Variants in CYLC2 observed in about 807,000 individuals in gnomAD.
The protein encoded by CYLC2 is cylicin-2.
In CYLC2, 30 loss-of-function variants were observed where a neutral mutation model predicts 26.1. That is an observed-to-expected ratio of 1.15 (90% CI 0.86 to 1.56). The LOEUF (loss-of-function observed/expected upper bound fraction) is 1.56, where lower values mean the gene tolerates loss of function less well. CYLC2 is among the 40% of genes most tolerant of loss of function. The pLI, the probability that CYLC2 is intolerant of heterozygous loss-of-function variation, is 0.00. For missense variants in CYLC2, 498 were observed against 394.4 expected (o/e 1.26, Z -2.23); for synonymous variants, 158 against 132.8 (o/e 1.19, Z -1.31).
chr9:103,015,088 AC>A (rs1261599613), intron 6 of CYLC2, among the ~76,000 whole-genome samples: 48 of 106,852 alleles, frequency 4.5e-4, no homozygotes, highest in African/African-American at 1.2e-3. Flanking sequence ...AATATACATA[AC>A]ATGTATATCA....
chr9:103,015,961 A>G (rs1232199353), intron 6 of CYLC2, among the ~76,000 whole-genome samples: 2 of 150,146 alleles, frequency 1.3e-5, no homozygotes, highest in Non-Finnish European at 3.0e-5. Context: ...TTGTATATAT[A>G]TAATATGTAA....
At position 103,005,829 on chromosome 9, in the gene CYLC2, A is replaced by C; in HGVS notation, c.*151A>C. 1.2e-6 allele frequency: 1 copy of C among 807,688 alleles called. No individual in the cohort carries two copies. The highest frequency in any genetic ancestry group is 1.9e-6 in the Non-Finnish European group (1 of 516,034). The allele number at this position is 807,688 out of a possible 1,614,324, so 50.0% of individuals were successfully genotyped here. A position where few individuals can be genotyped will look rare whatever the true frequency, so the allele number is the denominator to read the frequency against. ...GTGGTAAAGAAGGATACAAAGGAGA[A>C]CTCAGCAGAGATTTATAAAAATATA... is the stretch of plus-strand genomic sequence containing the variant. On this transcript the variant is annotated 3_prime_UTR_variant, in exon 5 of 8. Coordinates refer to ENST00000374798, the MANE Select transcript of CYLC2 (RefSeq NM_001340.5).
intron 1 of CYLC2, among the ~76,000 whole-genome samples, chr9:102,997,481 T>C (rs1212519069): frequency 6.6e-6 from 1 of 151,950 alleles, no homozygotes; most frequent in Non-Finnish European, 1.5e-5. Context: ...ACAGTAATCC[T>C]GGGGCAGTTG....
At chr9:103,001,358 G>T (rs1164309199) in intron 1 of CYLC2, among the ~76,000 whole-genome samples, 2 of 151,462 alleles carry the variant, frequency 1.3e-5, no homozygotes, top group African/African-American at 4.8e-5. Flanking sequence ...TGTATATATA[G>T]TTTGTTTGAT....
intron 6 of CYLC2, 56 bp from the exon 7 acceptor site, chr9:103,016,832 T>A (rs184268539): frequency 6.6e-6 from 1 of 152,084 alleles, no homozygotes; most frequent in Non-Finnish European, 1.5e-5. Flanking sequence ...TATGGAAGTT[T>A]ACATTAGAAA....
At chr9:103,001,253 G>A (rs1444375086) in intron 1 of CYLC2, among the ~76,000 whole-genome samples, 1 of 146,274 alleles carries the variant, frequency 6.8e-6, no homozygotes, top group Non-Finnish European at 1.5e-5. Flanking sequence ...TTTTTTAAAT[G>A]TATATTTTCA....
chr9:103,014,028 C>T (rs1438693717), intron 6 of CYLC2, among the ~76,000 whole-genome samples: 4 of 105,630 alleles, frequency 3.8e-5, no homozygotes, highest in African/African-American at 7.5e-5. Context: ...ATATATTATT[C>T]ATATTATATA....
intron 1 of CYLC2, among the ~76,000 whole-genome samples, chr9:102,996,317 C>A (rs983023991): frequency 6.6e-6 from 1 of 151,858 alleles, no homozygotes; most frequent in Non-Finnish European, 1.5e-5. Flanking sequence ...CAGAATTACA[C>A]TGTATTTTAA....
chr9:103,014,876 CTATGT>C (rs1829478113), intron 6 of CYLC2, among the ~76,000 whole-genome samples: 10 of 126,012 alleles, frequency 7.9e-5, no homozygotes, highest in African/African-American at 2.5e-4. Flanking sequence ...ATGTAATATA[CTATGT>C]ATATTATGTA....
intron 6 of CYLC2, among the ~76,000 whole-genome samples, chr9:103,013,860 T>C (rs1217490957): frequency 1.1e-5 from 1 of 91,604 alleles, no homozygotes; most frequent in African/African-American, 4.1e-5. Context: ...CAATGTATTA[T>C]ATATTATATA....
chr9:103,014,140 A>AAATATATTATTT (rs1366581197), intron 6 of CYLC2, among the ~76,000 whole-genome samples: 2 of 121,328 alleles, frequency 1.6e-5, no homozygotes, highest in Non-Finnish European at 3.2e-5. Context: ...ATAATATATT[A>AAATATATTATTT]AATATATTAT....
chr9:103,012,853 G>T (rs913645531), intron 6 of CYLC2, among the ~76,000 whole-genome samples: 2 of 151,166 alleles, frequency 1.3e-5, no homozygotes, highest in Non-Finnish European at 1.5e-5. Flanking sequence ...GCAGTTTTAC[G>T]GTAGGCAAAA....
At position 103,005,598 on chromosome 9, in the gene CYLC2, G is replaced by A; in HGVS notation, c.967G>A (p.Ala323Thr). 1.2e-6 allele frequency: 2 copies of A among 1,611,096 alleles called. No individual in the cohort carries two copies. The highest frequency in any genetic ancestry group is 1.7e-6 in the Non-Finnish European group (2 of 1,178,106). Residue 323 changes from alanine (A) to threonine (T), a missense_variant, in exon 5 of 8, where the codon GCT (alanine) becomes ACT (threonine). Transcript: ENST00000374798. The part of the protein sequence containing the change: ...ADSKKDAKKN[A>T]KKDAKKDAKK... The stretch of plus-strand genomic sequence containing the variant: ...TTCAAAGAAGGATGCAAAGAAAAAT[G>A]CTAAGAAGGATGCAAAGAAGGATGC...
intron 6 of CYLC2, among the ~76,000 whole-genome samples, chr9:103,012,567 C>A (rs1412383717): frequency 1.3e-5 from 2 of 151,652 alleles, no homozygotes; most frequent in Non-Finnish European, 1.5e-5. Flanking sequence ...CTAATCTGAG[C>A]CCTAATCCAT....
chr9:103,003,001 G>T (rs1324149159), intron 2 of CYLC2, 141 bp from the exon 3 acceptor site: 1 of 988,414 alleles, frequency 1.0e-6, no homozygotes, highest in East Asian at 2.6e-5. Context: ...ACAGAAAATT[G>T]CAAACATTAC....
At chr9:103,010,395 T>A (rs1373341046) in intron 5 of CYLC2, among the ~76,000 whole-genome samples, 1 of 152,140 alleles carries the variant, frequency 6.6e-6, no homozygotes, top group Non-Finnish European at 1.5e-5. Flanking sequence ...TTACTACTAT[T>A]TGCTAAACGC....
At position 103,005,537 on chromosome 9, in the gene CYLC2, A is replaced by C; in HGVS notation, c.906A>C (p.Lys302Asn). The C allele has an allele frequency of 1.2e-6, 2 of 1,609,898 alleles. No homozygotes were observed. The highest frequency in any genetic ancestry group is 1.7e-6 in the Non-Finnish European group (2 of 1,177,974). The change falls in exon 5 of 8, where the codon AAA becomes AAC. Residue 302 changes from lysine to asparagine, a missense_variant. Lys to Asn is a moderately conservative substitution (Grantham distance 94, BLOSUM62 0). Coordinates refer to ENST00000374798, the MANE Select transcript of CYLC2 (RefSeq NM_001340.5). ...SKKDATKDAK[K>N]VAKKDTEKES... ...AGGACGCCACGAAAGATGCCAAGAA[A>C]GTTGCCAAGAAAGATACTGAGAAAG...
chr9:103,005,096 A>T lies in CYLC2; in HGVS notation c.465A>T (p.Leu155=). 1 of 1,606,816 alleles carries T rather than the reference A, an allele frequency of 6.2e-7. No individual in the cohort carries two copies. Among genetic ancestry groups the T allele is most frequent in the Non-Finnish European group, 8.5e-7 (1 of 1,177,126 alleles). ...TAGAGAAAGGAAAAGAAGAAAAGCT[A>T]GATGCAAAGAAAGATAGCAAAAAAG... is the stretch of plus-strand genomic sequence containing the variant. ...KDIEKGKEEK[L]DAKKDSKKGK... Residue 155 remains leucine, a synonymous_variant, in exon 5 of 8, where the codon CTA becomes CTT. Coordinates refer to ENST00000374798, the MANE Select transcript of CYLC2 (RefSeq NM_001340.5).
At chr9:103,014,599 T>C (rs150700847) in intron 6 of CYLC2, among the ~76,000 whole-genome samples, 55,399 of 98,892 alleles carry the variant, frequency 0.56, 14,758 homozygotes, top group South Asian at 0.7. Context: ...ATGTATATTA[T>C]GCAGTATACA....
Sources: allele counts gnomAD v4.1 joint callset (sites outside exome capture counted in the v4.1 genomes callset), GRCh38; gene constraint gnomAD v4.1.1; transcripts MANE v1.5; gene names NCBI Gene and HGNC (gene_info 2026-07-23, HGNC 2026-07-21).